The following SFTPD variants were observed in gnomAD, a reference collection of about 807,000 sequenced individuals.
SFTPD encodes surfactant protein D, also known as pulmonary surfactant-associated protein D.
A neutral mutation model predicts 34.6 loss-of-function variants in SFTPD; 18 were observed. The observed-to-expected ratio is 0.52, with a 90% CI of 0.36 to 0.77. The LOEUF (loss-of-function observed/expected upper bound fraction) is 0.77. Among genes scored for constraint, SFTPD ranks in the 30% least tolerant of loss-of-function variants. The pLI, the probability that SFTPD is intolerant of heterozygous loss-of-function variation, is 0.00. For synonymous variants in SFTPD, 155 were observed against 180.9 expected (o/e 0.86, Z 1.15); for missense variants, 433 against 468.9 (o/e 0.92, Z 0.71).
intron 1 of SFTPD, among the ~76,000 whole-genome samples, chr10:79,959,471 C>T (rs958060347): frequency 4.0e-5 from 6 of 151,890 alleles, no homozygotes; most frequent in Non-Finnish European, 5.9e-5. Flanking sequence ...ATATCACCAC[C>T]GATCCCACAG....
At chr10:79,943,864 G>T (rs1427359535) in intron 2 of SFTPD, among the ~76,000 whole-genome samples, 1 of 152,220 alleles carries the variant, frequency 6.6e-6, no homozygotes, top group Admixed American at 6.5e-5. Flanking sequence ...CTGACCCCAT[G>T]TGGAGCCTTG....
At chr10:79,939,171 A>G (rs1474705191) in intron 7 of SFTPD, among the ~76,000 whole-genome samples, 1 of 152,222 alleles carries the variant, frequency 6.6e-6, no homozygotes, top group Non-Finnish European at 1.5e-5. Context: ...ACTTCACAAA[A>G]GCATTGCCTG....
chr10:79,963,274 C>T (rs897722205), intron 1 of SFTPD, among the ~76,000 whole-genome samples: 1 of 151,602 alleles, frequency 6.6e-6, no homozygotes, highest in Non-Finnish European at 1.5e-5. Flanking sequence ...TCAATTGAAC[C>T]CAGGAGTTCA....
chr10:79,974,106 A>G lies in SFTPD; in HGVS notation c.36+8469T>C, dbSNP rs146007728. On this transcript the variant is annotated intron_variant, in intron 1 of 5. Transcript: ENST00000444384. ...TAAGCTGAAAAATTTATTTGACAGC[A>G]TTAGGACTATGCCGTTAGTTGTTTT... Among the ~76,000 whole-genome samples the G allele has an allele frequency of 6.0e-3, 910 of 152,354 alleles. 29 individuals carry two copies. Among genetic ancestry groups the G allele is most frequent in the Admixed American group, 0.05 (769 of 15,300 alleles).
chr10:79,951,949 G>A (rs186375657), upstream of SFTPD, among the ~76,000 whole-genome samples: 316 of 152,316 alleles, frequency 2.1e-3, no homozygotes, highest in African/African-American at 7.4e-3. Flanking sequence ...AGAGTGGGAA[G>A]GAGTATACCA....
chr10:79,965,241 C>T (rs1842796897), intron 1 of SFTPD, among the ~76,000 whole-genome samples: 1 of 152,148 alleles, frequency 6.6e-6, no homozygotes, highest in Non-Finnish European at 1.5e-5. Flanking sequence ...TCCTTTAATA[C>T]CTGTTTTTCT....
At chr10:79,954,591 G>T (rs1842728778) in intron 1 of SFTPD, among the ~76,000 whole-genome samples, 1 of 152,150 alleles carries the variant, frequency 6.6e-6, no homozygotes, top group African/African-American at 2.4e-5. Context: ...GGTTGCCTTG[G>T]AGTTTGTGGA....
At chr10:79,961,068 G>A (rs1477519106) in intron 1 of SFTPD, among the ~76,000 whole-genome samples, 2 of 152,162 alleles carry the variant, frequency 1.3e-5, no homozygotes, top group Non-Finnish European at 2.9e-5. Flanking sequence ...TTTAATAAAT[G>A]GTGCTGGGAA....
At chr10:79,973,342 A>T (rs899375921) in intron 1 of SFTPD, 1 of 152,134 alleles carries the variant, frequency 6.6e-6, no homozygotes, top group African/African-American at 2.4e-5. Flanking sequence ...TTTGAAGGCC[A>T]GGCGCAGTGG....
intron 1 of SFTPD, among the ~76,000 whole-genome samples, chr10:79,956,714 A>G (rs1417099095): frequency 1.3e-5 from 2 of 152,190 alleles, no homozygotes; most frequent in African/African-American, 4.8e-5. Flanking sequence ...TGTAGGCTCC[A>G]CCTCTGGGGG....
In SFTPD at chr10:79,949,105, T is replaced by G. The variant is rs534614295; in HGVS notation, c.-43A>C. 2.0e-5 allele frequency: 3 copies of G among 152,300 alleles called. No individual in the cohort carries two copies. The East Asian group carries it at 5.8e-4, about 29-fold the overall frequency. 9.4% of individuals were successfully genotyped at this position (152,300 alleles called of 1,614,324 possible). ...TAGGCCCCAGGAGCTCCAAGCAAAC[T>G]AGCCTTTGCTTGGCAGGCACTCACT... On this transcript the variant is annotated 5_prime_UTR_variant, in exon 1 of 8. Transcript: ENST00000372292.
At chr10:79,942,102 C>CT (rs1842618913) in intron 4 of SFTPD, 32 bp from the exon 5 acceptor site, 1 of 1,488,202 alleles carries the variant, frequency 6.7e-7, no homozygotes, top group Admixed American at 1.8e-5. Context: ...ACAAACACAG[C>CT]TAAGAGCGCG....
intron 1 of SFTPD, among the ~76,000 whole-genome samples, chr10:79,964,655 A>T (rs1456054462): frequency 6.6e-6 from 1 of 152,030 alleles, no homozygotes; most frequent in African/African-American, 2.4e-5. Context: ...CCTTTCCATC[A>T]TGGAAATCTA....
At chr10:79,980,776 T>C (rs912966561) in intron 1 of SFTPD, among the ~76,000 whole-genome samples, 12 of 152,254 alleles carry the variant, frequency 7.9e-5, no homozygotes, top group Admixed American at 7.9e-4. Context: ...GGGTTCCCCC[T>C]ATTGTGTATT....
At chr10:79,964,943 C>T (rs533294443) in intron 1 of SFTPD, among the ~76,000 whole-genome samples, 2 of 152,278 alleles carry the variant, frequency 1.3e-5, no homozygotes, top group African/African-American at 2.4e-5. Context: ...CTTGGTTTGG[C>T]CTTCCCACCT....
Position 79,938,233 on chromosome 10 carries a change from GAGA to G in SFTPD, c.752-8_752-6del, listed in dbSNP as rs1385096421. 2 of 1,581,822 alleles carry G rather than the reference GAGA, an allele frequency of 1.3e-6. No individual in the cohort carries two copies. Among genetic ancestry groups the G allele is most frequent in the South Asian group, 1.1e-5 (1 of 89,284 alleles). Reference sequence around the variant, plus strand: ...GGCCATTTGGGAAGAGCTCAACTAGGAGAAGAAGAAAGTCAGGTTGGGGTTGTG... The same window carrying G: ...GGCCATTTGGGAAGAGCTCAACTAGGAGAAGAAAGTCAGGTTGGGGTTGTG... On this transcript the variant is annotated splice_region_variant and splice_polypyrimidine_tract_variant and intron_variant, in intron 7 of 7. Transcript: ENST00000372292.
chr10:79,961,741 C>A (rs1324211336), intron 1 of SFTPD, among the ~76,000 whole-genome samples: 1 of 152,134 alleles, frequency 6.6e-6, no homozygotes, highest in Non-Finnish European at 1.5e-5. Context: ...TGTGGTGATT[C>A]CTCAGGGATC....
intron 1 of SFTPD, among the ~76,000 whole-genome samples, chr10:79,956,462 CTT>C (rs1842738859): frequency 6.6e-6 from 1 of 152,256 alleles, no homozygotes; most frequent in African/African-American, 2.4e-5. Context: ...TAATACTGTG[CTT>C]TTCCAACAGG....
At chr10:79,944,773 G>A (rs1842648969) in intron 2 of SFTPD, among the ~76,000 whole-genome samples, 1 of 152,034 alleles carries the variant, frequency 6.6e-6, no homozygotes, top group East Asian at 1.9e-4. Flanking sequence ...CAGGATCTGG[G>A]TCATATTTAC....
Sources: gnomAD v4.1 joint callset for allele counts (sites outside exome capture counted in the v4.1 genomes callset) on GRCh38, gnomAD v4.1.1 for gene constraint, MANE v1.5 for transcripts, NCBI Gene and HGNC (gene_info 2026-07-23, HGNC 2026-07-21) for gene names.